The following MTBP variants were observed in gnomAD, a reference collection of about 807,000 sequenced individuals.
MTBP encodes the protein MDM2 binding protein.
Under a neutral mutation model 117.0 loss-of-function variants are expected in MTBP, and 101 were observed. The observed-to-expected ratio is 0.86, with a 90% CI of 0.73 to 1.02. The LOEUF (loss-of-function observed/expected upper bound fraction) is 1.02, where lower values mean the gene tolerates loss of function less well. MTBP is among the 50% of genes least tolerant of loss of function. MTBP has a pLI of 0.00. For synonymous variants in MTBP, 350 were observed against 351.5 expected (o/e 1.00, Z 0.05); for missense variants, 970 against 1,030.9 (o/e 0.94, Z 0.81).
At chr8:120,494,626 C>T (rs1354920455) in intron 13 of MTBP, among the ~76,000 whole-genome samples, 1 of 152,180 alleles carries the variant, frequency 6.6e-6, no homozygotes, top group African/African-American at 2.4e-5. Flanking sequence ...ACTTCACTTT[C>T]CCACATAATC....
At chr8:120,446,546 C>A in intron 2 of MTBP, 33 bp downstream of exon 2, 1 of 1,238,594 alleles carries the variant, frequency 8.1e-7, no homozygotes, top group Non-Finnish European at 1.2e-6. Flanking sequence ...TTCTCTGGCA[C>A]AGCATTTGTA....
At chr8:120,490,723 A>T (rs1814326697) in intron 13 of MTBP, 153 bp downstream of exon 13, 1 of 509,162 alleles carries the variant, frequency 2.0e-6, no homozygotes. Context: ...GATGTAGAGT[A>T]GAAGAGATAT....
At chr8:120,465,655 C>CTTTTTTTTT (rs10663319) in intron 10 of MTBP, among the ~76,000 whole-genome samples, 6 of 101,676 alleles carry the variant, frequency 5.9e-5, no homozygotes, top group Non-Finnish European at 9.1e-5. Flanking sequence ...CTTATAGAGA[C>CTTTTTTTTT]TTTTTTTTTT....
chr8:120,476,193 ATAAACT>A (rs1486415864), intron 11 of MTBP, among the ~76,000 whole-genome samples: 3 of 152,050 alleles, frequency 2.0e-5, no homozygotes, highest in Non-Finnish European at 4.4e-5. Flanking sequence ...TCGGCCTTCG[ATAAACT>A]TAAACACCCC....
chr8:120,464,050 G>A (rs773666342), intron 10 of MTBP, among the ~76,000 whole-genome samples: 7 of 151,968 alleles, frequency 4.6e-5, no homozygotes, highest in Non-Finnish European at 1.0e-4. Flanking sequence ...TTTATAACAT[G>A]TTATTGTTAA....
In MTBP at chr8:120,488,371, G is replaced by T. The variant is rs745910244; in HGVS notation, c.1339+39G>T. On this transcript the variant is annotated intron_variant, in intron 12 of 21. Coordinates refer to ENST00000305949, the MANE Select transcript of MTBP (RefSeq NM_022045.5). ...TCAGGTAGAAAAACATGTTTACATT[G>T]TTTGTGTGTGTGGTTAGCATATGTG... is the stretch of plus-strand genomic sequence containing the variant. 9.8e-6 allele frequency: 14 copies of T among 1,431,682 alleles called. No individual in the cohort carries two copies. The South Asian group carries it at 1.3e-4, about 13-fold the overall frequency. The allele number at this position is 1,431,682 out of a possible 1,614,324, so 88.7% of individuals were successfully genotyped here. A position where few individuals can be genotyped will look rare whatever the true frequency, so the allele number is the denominator to read the frequency against.
At chr8:120,516,221 A>C (rs1814916709) in intron 18 of MTBP, 30 bp downstream of exon 18, 6 of 1,515,106 alleles carry the variant, frequency 4.0e-6, no homozygotes, top group African/African-American at 2.8e-5. Context: ...TAAATAGTAT[A>C]TTGACAGAAA....
At chr8:120,466,965 G>A (rs1217780778) in intron 10 of MTBP, among the ~76,000 whole-genome samples, 2 of 152,190 alleles carry the variant, frequency 1.3e-5, no homozygotes, top group Admixed American at 6.5e-5. Flanking sequence ...CCAGATGCTT[G>A]TTTGTAATAT....
At chr8:120,523,158 G>A in intron 21 of MTBP, 140 bp from the exon 22 acceptor site, 1 of 611,856 alleles carries the variant, frequency 1.6e-6, no homozygotes, top group Non-Finnish European at 2.9e-6. Flanking sequence ...AATAAAATGT[G>A]TATTTAAGTA....
intron 4 of MTBP, among the ~76,000 whole-genome samples, chr8:120,453,332 A>AGCTAT (rs1230873925): frequency 1.3e-5 from 2 of 152,012 alleles, no homozygotes; most frequent in Non-Finnish European, 2.9e-5. Flanking sequence ...CAGCTATCCC[A>AGCTAT]GCTATGCAGG....
chr8:120,447,287 T>C (rs1241493284), intron 2 of MTBP, among the ~76,000 whole-genome samples: 2 of 152,114 alleles, frequency 1.3e-5, no homozygotes, highest in East Asian at 3.8e-4. Context: ...AGAGAACCTC[T>C]TGTCTCTCGG....
intron 16 of MTBP, among the ~76,000 whole-genome samples, chr8:120,507,511 T>C (rs1814710577): frequency 6.6e-6 from 1 of 152,176 alleles, no homozygotes; most frequent in South Asian, 2.1e-4. Context: ...CTCTAATGTC[T>C]TTTTAATTGT....
chr8:120,515,603 G>GATTTTTAATCA (rs1328530090), intron 17 of MTBP, among the ~76,000 whole-genome samples: 1 of 151,918 alleles, frequency 6.6e-6, no homozygotes, highest in East Asian at 1.9e-4. Context: ...ATCAGGGGTT[G>GATTTTTAATCA]GTAGAGTTTT....
chr8:120,448,827 A>G (rs1813278850), intron 2 of MTBP, among the ~76,000 whole-genome samples: 1 of 152,218 alleles, frequency 6.6e-6, no homozygotes, highest in Non-Finnish European at 1.5e-5. Flanking sequence ...ATTTCCTGCC[A>G]TACTAGGATT....
rs576816970 is a variant in MTBP at position 120,491,442 on chromosome 8, G to C, written c.1447+872G>C. Among the ~76,000 whole-genome samples the C allele has an allele frequency of 8.3e-4, 127 of 152,150 alleles. 1 individual carries two copies. The highest frequency in any genetic ancestry group is 2.9e-4 in the Non-Finnish European group (20 of 68,000). On this transcript the variant is annotated intron_variant, in intron 13 of 21. Transcript: ENST00000305949. ...AAATCCAGGGTAATTGTTTAGTCTT[G>C]AGCTCCTCTAACCATTGGTGTGTTG...
At chr8:120,518,671 G>T (rs765082397) in intron 19 of MTBP, 33 bp from the exon 20 acceptor site, 6 of 1,434,752 alleles carry the variant, frequency 4.2e-6, no homozygotes, top group Middle Eastern at 1.8e-4. Context: ...CCTTTTCCAA[G>T]AAATATTCGT....
intron 2 of MTBP, among the ~76,000 whole-genome samples, chr8:120,449,369 TGCAAAGTAAGAA>T (rs1813290563): frequency 6.6e-6 from 1 of 152,130 alleles, no homozygotes; most frequent in East Asian, 1.9e-4. Flanking sequence ...GCCTGTAAGA[TGCAAAGTAAGAA>T]GTAAAAATGT....
intron 13 of MTBP, 145 bp downstream of exon 13, chr8:120,490,715 T>C: frequency 1.8e-6 from 1 of 556,334 alleles, no homozygotes; most frequent in Non-Finnish European, 3.1e-6. Flanking sequence ...AAAGCAATGA[T>C]GTAGAGTAGA....
At chr8:120,492,026 A>G (rs1814356868) in intron 13 of MTBP, among the ~76,000 whole-genome samples, 1 of 152,220 alleles carries the variant, frequency 6.6e-6, no homozygotes, top group African/African-American at 2.4e-5. Context: ...AATTAAAAAA[A>G]TAAAAAATCG....
Sources: allele counts gnomAD v4.1 joint callset (sites outside exome capture counted in the v4.1 genomes callset), GRCh38; gene constraint gnomAD v4.1.1; transcripts MANE v1.5; gene names NCBI Gene and HGNC (gene_info 2026-07-23, HGNC 2026-07-21).